THRB: variants seen among roughly 807,000 people sequenced by gnomAD.
THRB encodes the protein thyroid hormone receptor beta.
THRB carries 12 observed loss-of-function variants against 47.8 expected under a neutral mutation model. The ratio of observed to expected loss-of-function variants is 0.25; its 90% CI spans 0.16 to 0.41. The LOEUF is 0.41. Among genes scored for constraint, THRB ranks in the 10% least tolerant of loss-of-function variants. THRB has a pLI of 1.00. For missense variants in THRB, 348 were observed against 589.2 expected, an observed-to-expected ratio of 0.59 and a Z score of 4.24; for synonymous variants, 218 against 212.2, an observed-to-expected ratio of 1.03 and a Z score of -0.24.
chr3:24,148,128 T>C (rs2036360242), intron 6 of THRB, among the ~76,000 whole-genome samples: 1 of 152,120 alleles, frequency 6.6e-6, no homozygotes, highest in Admixed American at 6.6e-5. Flanking sequence ...TGTAAGAAAT[T>C]AAAAAAAATT....
intron 1 of THRB, among the ~76,000 whole-genome samples, chr3:24,382,581 AG>A (rs1216566672): frequency 2.6e-5 from 4 of 151,990 alleles, no homozygotes; most frequent in Non-Finnish European, 5.9e-5. Context: ...TGAAAGGGGG[AG>A]GGAATCTTCA....
At chr3:24,406,820 T>C (rs960351044) in intron 1 of THRB, among the ~76,000 whole-genome samples, 1 of 151,814 alleles carries the variant, frequency 6.6e-6, no homozygotes, top group Admixed American at 6.6e-5. Flanking sequence ...AACAAAACAA[T>C]TGGAATCAGA....
intron 1 of THRB, among the ~76,000 whole-genome samples, chr3:24,445,385 A>T (rs2071966818): frequency 6.6e-6 from 1 of 152,150 alleles, no homozygotes; most frequent in Non-Finnish European, 1.5e-5. Flanking sequence ...GTAATAGTAG[A>T]TTTGACTGGA....
chr3:24,450,017 G>T (rs1057176801), intron 1 of THRB, among the ~76,000 whole-genome samples: 2 of 151,962 alleles, frequency 1.3e-5, no homozygotes, highest in Non-Finnish European at 2.9e-5. Flanking sequence ...AGGGGAGAAG[G>T]AAGAAAGGAG....
At chr3:24,171,905 T>G (rs1370994852) in intron 5 of THRB, among the ~76,000 whole-genome samples, 1 of 152,186 alleles carries the variant, frequency 6.6e-6, no homozygotes, top group Non-Finnish European at 1.5e-5. Context: ...CCATGGCTAC[T>G]GGGTTAATAT....
chr3:24,305,507 T>C lies in THRB; in HGVS notation c.-188-8136A>G, dbSNP rs528060626. Among the ~76,000 whole-genome samples the C allele has an allele frequency of 3.3e-4, 50 of 152,310 alleles. No individual in the cohort carries two copies. In the South Asian group the frequency reaches 0.01, roughly 31 times the overall value. On this transcript the variant is annotated intron_variant, in intron 2 of 10. Transcript: ENST00000646209. ...GTATTAATGTTAGCAGCTGCTTATA[T>C]AGTGGTAGAAATCATAAGTGGTAAT...
At chr3:24,475,817 A>C (rs1343726368) in intron 1 of THRB, among the ~76,000 whole-genome samples, 1 of 152,262 alleles carries the variant, frequency 6.6e-6, no homozygotes, top group Non-Finnish European at 1.5e-5. Flanking sequence ...TCTATATAAC[A>C]GACATCCTGA....
At chr3:24,491,551 C>G (rs770989915) in intron 1 of THRB, among the ~76,000 whole-genome samples, 3 of 152,218 alleles carry the variant, frequency 2.0e-5, no homozygotes, top group African/African-American at 4.8e-5. Context: ...TGATAACCAT[C>G]AGGTTATTTT....
chr3:24,326,245 T>G (rs529983230), intron 2 of THRB, among the ~76,000 whole-genome samples: 1 of 152,176 alleles, frequency 6.6e-6, no homozygotes, highest in South Asian at 2.1e-4. Context: ...TCTTTTTATT[T>G]TATTTTTCGA....
intron 1 of THRB, among the ~76,000 whole-genome samples, chr3:24,472,871 CA>C (rs1694911730): frequency 6.6e-6 from 1 of 152,118 alleles, no homozygotes; most frequent in Admixed American, 6.5e-5. Context: ...AGCAAATTTG[CA>C]CTCTTGTGCC....
intron 3 of THRB, among the ~76,000 whole-genome samples, chr3:24,288,263 C>T (rs1378776580): frequency 6.6e-6 from 1 of 152,224 alleles, no homozygotes; most frequent in Non-Finnish European, 1.5e-5. Context: ...CTGGCCTTAA[C>T]AAGAAATGAA....
chr3:24,293,245 A>G (rs939895942), intron 3 of THRB, among the ~76,000 whole-genome samples: 3 of 152,166 alleles, frequency 2.0e-5, no homozygotes, highest in Non-Finnish European at 4.4e-5. Context: ...TAAGCTATTG[A>G]GCTTTCCCTA....
At chr3:24,242,555 T>A (rs926560125) in intron 3 of THRB, among the ~76,000 whole-genome samples, 3 of 152,206 alleles carry the variant, frequency 2.0e-5, no homozygotes, top group African/African-American at 7.2e-5. Context: ...GTGCTCACTT[T>A]GAGCCATTTG....
chr3:24,423,058 C>T (rs907445111), intron 1 of THRB, among the ~76,000 whole-genome samples: 1 of 151,796 alleles, frequency 6.6e-6, no homozygotes, highest in South Asian at 2.1e-4. Flanking sequence ...AAACTAGCTA[C>T]GCAGTGGGCC....
intron 6 of THRB, among the ~76,000 whole-genome samples, chr3:24,149,436 G>A (rs2036583027): frequency 6.6e-6 from 1 of 152,186 alleles, no homozygotes; most frequent in African/African-American, 2.4e-5. Context: ...TGACCAGTAA[G>A]ACCACGCTAA....
intron 2 of THRB, among the ~76,000 whole-genome samples, chr3:24,307,124 TA>T (rs2057403128): frequency 1.3e-5 from 2 of 152,060 alleles, no homozygotes; most frequent in Admixed American, 6.5e-5. Context: ...AACAAGTATA[TA>T]CTCACTGATG....
At chr3:24,360,332 T>C (rs957871724) in intron 1 of THRB, among the ~76,000 whole-genome samples, 3 of 152,156 alleles carry the variant, frequency 2.0e-5, no homozygotes, top group Non-Finnish European at 4.4e-5. Flanking sequence ...CACCCTTGTG[T>C]CCAGATGTGT....
intron 1 of THRB, among the ~76,000 whole-genome samples, chr3:24,422,894 G>A (rs1405672975): frequency 1.3e-5 from 2 of 151,886 alleles, no homozygotes; most frequent in African/African-American, 4.8e-5. Flanking sequence ...GGGTAGCCAT[G>A]TAACTTTGAC....
At chr3:24,379,645 G>C (rs531571915) in intron 1 of THRB, among the ~76,000 whole-genome samples, 1 of 151,986 alleles carries the variant, frequency 6.6e-6, no homozygotes, top group Non-Finnish European at 1.5e-5. Flanking sequence ...AAGTAGATTT[G>C]AGATCCCTAC....
Sources: allele counts gnomAD v4.1 joint callset (sites outside exome capture counted in the v4.1 genomes callset), GRCh38; gene constraint gnomAD v4.1.1; transcripts MANE v1.5; gene names NCBI Gene and HGNC (gene_info 2026-07-23, HGNC 2026-07-21).